Variants in CEACAM21 observed in about 807,000 individuals in gnomAD.
CEACAM21 encodes the protein cell adhesion molecule CEACAM21.
A neutral mutation model predicts 33.2 loss-of-function variants in CEACAM21; 38 were observed. The ratio of observed to expected loss-of-function variants is 1.14; its 90% confidence interval spans 0.88 to 1.50. CEACAM21 has a LOEUF of 1.50. Ranked by LOEUF, CEACAM21 falls within the 40% of genes most tolerant of loss-of-function variation. The pLI, the probability that CEACAM21 is intolerant of heterozygous loss-of-function variation, is 0.00. For synonymous variants in CEACAM21, 156 were observed against 143.0 expected, an observed-to-expected ratio of 1.09 and a Z score of -0.65; for missense variants, 385 against 364.6, an observed-to-expected ratio of 1.06 and a Z score of -0.46.
At chr19:41,559,492 T>A (rs1385731129) in intron 1 of CEACAM21, among the ~76,000 whole-genome samples, 1 of 152,204 alleles carries the variant, frequency 6.6e-6, no homozygotes, top group Non-Finnish European at 1.5e-5. Context: ...ATTCATGAGC[T>A]ACTTACCCAT....
chr19:41,551,857 C>A (rs1477092408), intron 1 of CEACAM21: 3 of 152,116 alleles, frequency 2.0e-5, no homozygotes, highest in Non-Finnish European at 2.9e-5. Flanking sequence ...CTTCAAGGGC[C>A]ACATTTTGGC....
In CEACAM21 at chr19:41,558,856, T is replaced by TA. The variant is rs539638389; in HGVS notation, c.-778-5822dup. 1.6e-4 allele frequency among the ~76,000 whole-genome samples: 25 copies of TA among 152,330 alleles called. No homozygotes were observed. The East Asian group carries it at 4.6e-3, about 28-fold the overall frequency. On this transcript the variant is annotated intron_variant, in intron 1 of 7. Coordinates refer to the CEACAM21 transcript ENST00000407170. Reference sequence around the variant, plus strand: ...AAATATATATTCTCTGTTTAAAAAGTAAAAGACAACATACTGCTTTAGTAA... The same window carrying TA: ...AAATATATATTCTCTGTTTAAAAAGTAAAAAGACAACATACTGCTTTAGTAA...
chr19:41,585,353 G>T, intron 4 of CEACAM21, 90 bp from the exon 5 acceptor site: 1 of 1,381,312 alleles, frequency 7.2e-7, no homozygotes, highest in Non-Finnish European at 1.0e-6. Flanking sequence ...TACCCCTCTT[G>T]GAAATAGGCT....
intron 1 of CEACAM21, among the ~76,000 whole-genome samples, chr19:41,558,634 G>T (rs954761667): frequency 1.4e-4 from 22 of 152,038 alleles, no homozygotes; most frequent in African/African-American, 5.1e-4. Context: ...GTGACAGAGC[G>T]AGGCTCTGAC....
intron 1 of CEACAM21, among the ~76,000 whole-genome samples, chr19:41,550,930 A>G (rs1289217307): frequency 2.0e-5 from 3 of 152,116 alleles, no homozygotes; most frequent in Admixed American, 6.5e-5. Context: ...AGCATCATGA[A>G]AAAAAATACT....
At chr19:41,556,790 T>A (rs1202983474) in intron 1 of CEACAM21, among the ~76,000 whole-genome samples, 4 of 152,224 alleles carry the variant, frequency 2.6e-5, no homozygotes, top group Admixed American at 2.0e-4. Flanking sequence ...GCAGGCAGTA[T>A]GAACTTCAAA....
intron 2 of CEACAM21, among the ~76,000 whole-genome samples, chr19:41,565,298 T>C (rs1555788053): frequency 6.6e-6 from 1 of 151,842 alleles, no homozygotes; most frequent in African/African-American, 2.4e-5. Flanking sequence ...GTGGGGAGCC[T>C]AAGGAGAGGA....
intron 3 of CEACAM21, among the ~76,000 whole-genome samples, chr19:41,581,448 C>A (rs1555793533): frequency 6.6e-6 from 1 of 152,198 alleles, no homozygotes; most frequent in East Asian, 1.9e-4. Context: ...CCTGTGAGAA[C>A]CCTGATTTCC....
At position 41,579,370 on chromosome 19, in the gene CEACAM21, TC is replaced by T. The variant is rs782072515; in HGVS notation, c.444del (p.Ile149SerfsTer16). The T allele has an allele frequency of 4.3e-6, 7 of 1,613,882 alleles. No individual in the cohort carries two copies. Among genetic ancestry groups the T allele is most frequent in the Middle Eastern group, 1.6e-4 (1 of 6,062 alleles). On this transcript the variant is annotated frameshift_variant, in exon 3 of 7. Coordinates refer to ENST00000401445, the MANE Select transcript of CEACAM21 (RefSeq NM_001098506.4). LOFTEE classifies it high-confidence loss of function. ...ATCCACAGAGTCAGTGGCTCAGCCC[TC>T]CATCCAAGCCAGCAGCACCACAGTC... Reference protein sequence around the residue: ...LRVYESVAQPSIQASSTTVTE... With the variant: ...LRVYESVAQPXIQASSTTVTE...
intron 1 of CEACAM21, among the ~76,000 whole-genome samples, chr19:41,557,884 G>GTTTGTGGCCACTGTGCTAAA (rs2041633831): frequency 6.6e-6 from 1 of 152,186 alleles, no homozygotes; most frequent in African/African-American, 2.4e-5. Context: ...TTATCCTCAT[G>GTTTGTGGCCACTGTGCTAAA]TTAGAGATAT....
At chr19:41,549,610 G>C (rs1016727010) in intron 1 of CEACAM21, 1 of 152,108 alleles carries the variant, frequency 6.6e-6, no homozygotes, top group Non-Finnish European at 1.5e-5. Context: ...GGATCGAATA[G>C]CTCCAATTGT....
intron 1 of CEACAM21, among the ~76,000 whole-genome samples, chr19:41,562,890 G>A (rs1357850459): frequency 6.6e-6 from 1 of 151,942 alleles, no homozygotes; most frequent in African/African-American, 2.4e-5. Context: ...CACCACGCCC[G>A]GCTAATTTTT....
At chr19:41,563,941 C>G (rs1162166196) in intron 1 of CEACAM21, among the ~76,000 whole-genome samples, 2 of 152,226 alleles carry the variant, frequency 1.3e-5, no homozygotes, top group Non-Finnish European at 2.9e-5. Context: ...CATCATCCCG[C>G]AGATGGCAGC....
intron 6 of CEACAM21, 77 bp downstream of exon 6, chr19:41,585,948 C>T: frequency 6.8e-7 from 1 of 1,474,322 alleles, no homozygotes; most frequent in Non-Finnish European, 9.4e-7. Flanking sequence ...ACTGTCAATC[C>T]CCAGCACAAA....
chr19:41,563,308 G>A (rs1555787363), intron 1 of CEACAM21, among the ~76,000 whole-genome samples: 2 of 152,264 alleles, frequency 1.3e-5, no homozygotes, highest in Non-Finnish European at 2.9e-5. Context: ...GGTCCTATGC[G>A]AGGCCACCGC....
rs1326005364 is a variant in CEACAM21 at position 41,577,388 on chromosome 19, G to GACA, written c.254_256dup (p.Asp85_Thr86insAsn). 3 of 1,599,882 alleles carry GACA rather than the reference G, an allele frequency of 1.9e-6. No individual in the cohort carries two copies. The highest frequency in any genetic ancestry group is 2.4e-5 in the East Asian group (1 of 41,794). ...CCAGCTAATCGCAGCATATGTAATA[G>GACA]ACACTCACGTTAGGACTCCAGGGCC... On this transcript the variant is annotated inframe_insertion, in exon 2 of 7. Transcript: ENST00000401445.
chr19:41,577,584 G>A, intron 2 of CEACAM21, 25 bp downstream of exon 2: 1 of 1,610,048 alleles, frequency 6.2e-7, no homozygotes, highest in Non-Finnish European at 8.5e-7. Context: ...CGTGCCTCTG[G>A]GTGTTGGGGG....
At chr19:41,584,540 C>A (rs1555794611) in intron 4 of CEACAM21, 97 bp downstream of exon 4, 2 of 1,088,392 alleles carry the variant, frequency 1.8e-6, no homozygotes, top group Non-Finnish European at 2.7e-6. Flanking sequence ...AGGCTCTCCC[C>A]AGCCTCCCGA....
chr19:41,579,556 G>A lies in CEACAM21; in HGVS notation c.628G>A (p.Gly210Arg), dbSNP rs782039925. 3.1e-6 allele frequency: 5 copies of A among 1,606,246 alleles called. No homozygotes were observed. In the African/African-American group the frequency reaches 4.0e-5, roughly 13 times the overall value. Residue 210 changes from glycine (G) to arginine (R), a missense_variant, in exon 3 of 7, where the codon GGG (glycine) becomes AGG (arginine). Coordinates refer to ENST00000401445, the MANE Select transcript of CEACAM21 (RefSeq NM_001098506.4). ...TIDPIRQEDAGEYQCEVSNPV... is the reference protein window; with the variant it reads ...TIDPIRQEDAREYQCEVSNPV... ...AGACCCCATCAGGCAGGAGGACGCT[G>A]GGGAGTATCAGTGTGAGGTCTCCAA...
Sources: allele counts gnomAD v4.1 joint callset (sites outside exome capture counted in the v4.1 genomes callset), GRCh38; gene constraint gnomAD v4.1.1; transcripts MANE v1.5; gene names NCBI Gene and HGNC (gene_info 2026-07-23, HGNC 2026-07-21).